VCAN: variants seen among roughly 807,000 people sequenced by gnomAD.
VCAN encodes versican, also known as versican core protein.
In VCAN, 44 loss-of-function variants were observed where a neutral mutation model predicts 245.5. The observed-to-expected ratio is 0.18, with a 90% confidence interval of 0.14 to 0.23. The LOEUF (loss-of-function observed/expected upper bound fraction) is 0.23, where lower values mean the gene tolerates loss of function less well. Among genes scored for constraint, VCAN ranks in the 10% least tolerant of loss-of-function variants. VCAN has a pLI of 1.00. For missense variants in VCAN, 3,793 were observed against 4,057.9 expected (o/e 0.93, Z 1.77); for synonymous variants, 1,413 against 1,437.0 (o/e 0.98, Z 0.38).
Position 83,540,880 on chromosome 5 carries a change from C to T in VCAN, c.7877C>T (p.Ala2626Val), listed in dbSNP as rs1746949530. 2 of 1,614,002 alleles carry T rather than the reference C, an allele frequency of 1.2e-6. No individual in the cohort carries two copies. Among genetic ancestry groups the T allele is most frequent in the Non-Finnish European group, 1.7e-6 (2 of 1,179,982 alleles). ...CAAGTTCAAGAGATCTATGAGGCAG[C>T]TGTCAACCTTTCTTTAACTGAGGAA... ...STQVQEIYEA[A>V]VNLSLTEETF... Residue 2626 changes from alanine to valine, a missense_variant, in exon 8 of 15, where the codon GCT (alanine) becomes GTT (valine). By Grantham distance (64) the Ala-to-Val change is moderately conservative. Around this residue, in one of 5 missense-constraint regions of VCAN, gnomAD observed 3,182 missense variants for 3,250.3 expected, o/e 0.98. Coordinates refer to ENST00000265077, the MANE Select transcript of VCAN (RefSeq NM_004385.5).
intron 2 of VCAN, among the ~76,000 whole-genome samples, chr5:83,484,865 GATA>G (rs1401336537): frequency 2.0e-5 from 3 of 152,144 alleles, no homozygotes; most frequent in Non-Finnish European, 4.4e-5. Context: ...AGATGAGAAT[GATA>G]ATGAGGAACC....
In VCAN at chr5:83,493,571, A is replaced by C; in HGVS notation, c.471A>C (p.Ala157=). ...VDGVVFHYRA[A]TSRYTLNFEA... is the part of the protein sequence containing the mutation. ...GGGTTGTGTTTCACTACAGGGCGGC[A>C]ACCAGCAGGTACACACTGAATTTTG... Residue 157 remains alanine (A), a synonymous_variant, in exon 4 of 15, where the codon GCA becomes GCC. Coordinates refer to ENST00000265077, the MANE Select transcript of VCAN (RefSeq NM_004385.5). The C allele has an allele frequency of 6.2e-7, 1 of 1,613,662 alleles. No individual in the cohort carries two copies. Among genetic ancestry groups the C allele is most frequent in the Non-Finnish European group, 8.5e-7 (1 of 1,180,016 alleles).
chr5:83,523,400 T>A (rs1031920928), intron 7 of VCAN, among the ~76,000 whole-genome samples: 1 of 124,470 alleles, frequency 8.0e-6, no homozygotes, highest in Admixed American at 9.0e-5. Context: ...GAAGACAGGA[T>A]AGAAGATTTT....
chr5:83,531,462 A>T (rs1331313880), intron 7 of VCAN: 2 of 152,130 alleles, frequency 1.3e-5, no homozygotes, highest in Non-Finnish European at 2.9e-5. Flanking sequence ...TGGAGAGTAT[A>T]TTGGAATATA....
At chr5:83,504,246 A>G (rs564991051) in intron 5 of VCAN, among the ~76,000 whole-genome samples, 2 of 152,336 alleles carry the variant, frequency 1.3e-5, no homozygotes, top group African/African-American at 4.8e-5. Flanking sequence ...TTAATTTGAA[A>G]TTTTGGAAAA....
At chr5:83,525,578 T>G (rs1028593493) in intron 7 of VCAN, among the ~76,000 whole-genome samples, 1 of 152,194 alleles carries the variant, frequency 6.6e-6, no homozygotes, top group African/African-American at 2.4e-5. Flanking sequence ...AACCTTAAAA[T>G]AGGCAGCTTA....
At chr5:83,577,074 TA>T (rs1328764756) in intron 13 of VCAN, among the ~76,000 whole-genome samples, 2 of 152,250 alleles carry the variant, frequency 1.3e-5, no homozygotes, top group East Asian at 3.9e-4. Flanking sequence ...TAATTTTATT[TA>T]TTTTTTTTCC....
At chr5:83,551,728 G>C (rs891882518) in intron 10 of VCAN, among the ~76,000 whole-genome samples, 1 of 152,120 alleles carries the variant, frequency 6.6e-6, no homozygotes, top group Admixed American at 6.5e-5. Context: ...TTGGCAGTAA[G>C]AATGTTCTAA....
At chr5:83,565,311 A>AG (rs1307963420) in intron 12 of VCAN, among the ~76,000 whole-genome samples, 2 of 152,210 alleles carry the variant, frequency 1.3e-5, no homozygotes, top group African/African-American at 4.8e-5. Flanking sequence ...TCTGCTACAC[A>AG]GATGTGTATG....
rs369067474 is a variant in VCAN at position 83,540,313 on chromosome 5, A to T, written c.7310A>T (p.Asp2437Val). Residue 2437 changes from aspartate (D) to valine (V), a missense_variant, in exon 8 of 15, where the codon GAT becomes GTT. This residue lies in a region of VCAN where 3,182 missense variants were observed against 3,250.3 expected (regional missense o/e 0.98). Coordinates refer to ENST00000265077, the MANE Select transcript of VCAN (RefSeq NM_004385.5). ...TCTGGAGAAGGATCTGGAGAAGTGG[A>T]TATTGTTGATTCATTTCACACTTCT... Reference protein sequence around the residue: ...EPSGEGSGEVDIVDSFHTSAT... With the variant: ...EPSGEGSGEVVIVDSFHTSAT... 1.9e-6 allele frequency: 3 copies of T among 1,614,000 alleles called. No homozygotes were observed. In the African/African-American group the frequency reaches 4.0e-5, roughly 22 times the overall value.
At chr5:83,553,018 G>A (rs1205298887) in intron 10 of VCAN, among the ~76,000 whole-genome samples, 1 of 152,164 alleles carries the variant, frequency 6.6e-6, no homozygotes, top group East Asian at 1.9e-4. Context: ...GAAAAGTTGT[G>A]TTGGTAAGGA....
intron 3 of VCAN, among the ~76,000 whole-genome samples, chr5:83,491,212 G>T (rs1744970131): frequency 6.6e-6 from 1 of 152,046 alleles, no homozygotes; most frequent in African/African-American, 2.4e-5. Context: ...GCTTTAATTG[G>T]GTACACACAT....
intron 2 of VCAN, among the ~76,000 whole-genome samples, chr5:83,484,491 TCATCCATC>T (rs1215649615): frequency 6.7e-6 from 1 of 148,450 alleles, no homozygotes; most frequent in Non-Finnish European, 1.5e-5. Flanking sequence ...ATCCATGTAT[TCATCCATC>T]CATCCATCCT....
rs1580600913 is a variant in VCAN, at chr5:83,488,537, G to A, written c.71-1561G>A. 2.0e-5 allele frequency among the ~76,000 whole-genome samples: 3 copies of A among 152,154 alleles called. No individual in the cohort carries two copies. In the East Asian group the frequency reaches 5.8e-4, roughly 29 times the overall value. On this transcript the variant is annotated intron_variant, in intron 2 of 14. Coordinates refer to ENST00000265077, the MANE Select transcript of VCAN (RefSeq NM_004385.5). ...AGGAATTCGACCAGTTTTACTTTAA[G>A]GTTGAGCTAAGTTAGAGAATTTACT...
intron 12 of VCAN, among the ~76,000 whole-genome samples, chr5:83,561,338 A>C (rs1428115983): frequency 6.6e-6 from 1 of 152,000 alleles, no homozygotes; most frequent in African/African-American, 2.4e-5. Flanking sequence ...GCTCTAACCA[A>C]CTCATCTTGC....
At chr5:83,515,819 A>G (rs539140931) in intron 6 of VCAN, among the ~76,000 whole-genome samples, 1 of 152,320 alleles carries the variant, frequency 6.6e-6, no homozygotes, top group African/African-American at 2.4e-5. Flanking sequence ...TGTGTGCCCT[A>G]GTTCATAATC....
rs1748642229 is a variant in VCAN at position 83,580,663 on chromosome 5, C to T, written c.*229C>T. ...AGAGCAGAAAGTAAGCATTTCCAGC[C>T]TATCTAATTTCTTTAGTTTTCTATT... On this transcript the variant is annotated 3_prime_UTR_variant, in exon 15 of 15. Transcript: ENST00000265077. 6.9e-6 allele frequency: 4 copies of T among 581,390 alleles called. No homozygotes were observed. The highest frequency in any genetic ancestry group is 1.2e-5 in the Non-Finnish European group (4 of 342,014). 36.0% of individuals were successfully genotyped at this position (581,390 alleles called of 1,614,324 possible).
chr5:83,576,588 G>A (rs1388690460), intron 13 of VCAN, among the ~76,000 whole-genome samples: 1 of 152,026 alleles, frequency 6.6e-6, no homozygotes, highest in Non-Finnish European at 1.5e-5. Context: ...ATATTTCCAG[G>A]AGTGAAGTTG....
At chr5:83,473,430 CAG>C (rs1744268645) in intron 1 of VCAN, among the ~76,000 whole-genome samples, 1 of 152,192 alleles carries the variant, frequency 6.6e-6, no homozygotes. Flanking sequence ...ACACCCGCGG[CAG>C]AGTCTCTCTG....
Sources: gnomAD v4.1 joint callset for allele counts (sites outside exome capture counted in the v4.1 genomes callset) on GRCh38, gnomAD v4.1.1 for gene constraint, gnomAD v4.1.1 regional missense constraint, MANE v1.5 for transcripts, NCBI Gene and HGNC (gene_info 2026-07-23, HGNC 2026-07-21) for gene names.